The following CCSER1 variants were observed in gnomAD, a reference collection of about 807,000 sequenced individuals.
CCSER1 encodes serine-rich coiled-coil domain-containing protein 1.
A neutral mutation model predicts 82.0 loss-of-function variants in CCSER1; 41 were observed. That is an observed-to-expected ratio of 0.50 (90% CI 0.39 to 0.65). The LOEUF (loss-of-function observed/expected upper bound fraction) is 0.65. Among genes scored for constraint, CCSER1 ranks in the 30% least tolerant of loss-of-function variants. The probability of loss-of-function intolerance (pLI) is 0.00; values close to 1 mark genes in which losing one functional copy is unlikely to be tolerated. For synonymous variants in CCSER1, 414 were observed against 383.9 expected (o/e 1.08, Z -0.92); for missense variants, 1,119 against 1,064.2 (o/e 1.05, Z -0.72).
chr4:91,567,439 TA>T (rs60297209), intron 10 of CCSER1, among the ~76,000 whole-genome samples: 10,593 of 152,142 alleles, frequency 0.07, 405 homozygotes, highest in African/African-American at 0.099. Context: ...ATATGTTTAT[TA>T]AATTTTCTGC....
At chr4:91,300,199 C>G (rs1744559138) in intron 10 of CCSER1, among the ~76,000 whole-genome samples, 1 of 151,886 alleles carries the variant, frequency 6.6e-6, no homozygotes, top group Non-Finnish European at 1.5e-5. Context: ...TTTATATGAT[C>G]ACATATATGA....
At chr4:90,468,510 A>G (rs1369881016) in intron 5 of CCSER1, 156 bp downstream of exon 5, 3 of 591,746 alleles carry the variant, frequency 5.1e-6, no homozygotes, top group Admixed American at 3.6e-5. Context: ...ATCTTAATGA[A>G]TTAACTTCTG....
intron 4 of CCSER1, among the ~76,000 whole-genome samples, chr4:90,428,175 A>G (rs991472503): frequency 6.6e-6 from 1 of 151,922 alleles, no homozygotes; most frequent in Non-Finnish European, 1.5e-5. Context: ...ATTATGCAGA[A>G]TTTTAAAGCT....
chr4:90,942,350 T>C (rs914528681), intron 9 of CCSER1, among the ~76,000 whole-genome samples: 6 of 152,182 alleles, frequency 3.9e-5, no homozygotes, highest in Admixed American at 3.3e-4. Context: ...AGAAAAAATA[T>C]GTAAGCATAT....
intron 8 of CCSER1, among the ~76,000 whole-genome samples, chr4:90,839,323 T>G (rs1762268393): frequency 6.6e-6 from 1 of 152,106 alleles, no homozygotes; most frequent in African/African-American, 2.4e-5. Context: ...GAACATAATT[T>G]AATTAAGCAG....
intron 5 of CCSER1, among the ~76,000 whole-genome samples, chr4:90,570,482 C>T (rs1779973106): frequency 1.3e-5 from 2 of 152,170 alleles, no homozygotes. Context: ...CACCAGACCA[C>T]CTGCAGACAT....
chr4:90,905,128 A>G (rs78220507), intron 8 of CCSER1, among the ~76,000 whole-genome samples: 8,270 of 152,164 alleles, frequency 0.054, 298 homozygotes, highest in Non-Finnish European at 0.075. Context: ...CCCTTTTGCA[A>G]AAAGCATTTC....
intron 5 of CCSER1, among the ~76,000 whole-genome samples, chr4:90,568,488 CTT>C (rs1779678724): frequency 6.6e-6 from 1 of 152,124 alleles, no homozygotes; most frequent in Non-Finnish European, 1.5e-5. Context: ...TTTCTACTCT[CTT>C]TTGGTTTCCA....
intron 1 of CCSER1, among the ~76,000 whole-genome samples, chr4:90,295,765 A>G (rs1731771177): frequency 6.6e-6 from 1 of 152,140 alleles, no homozygotes; most frequent in South Asian, 2.1e-4. Context: ...GAGCTTTCCC[A>G]TGGGATCAGT....
At chr4:90,143,491 TACACACACACAC>T (rs56859054) in intron 1 of CCSER1, among the ~76,000 whole-genome samples, 1 of 141,320 alleles carries the variant, frequency 7.1e-6, no homozygotes, top group South Asian at 2.3e-4. Flanking sequence ...AGTACACACA[TACACACACACAC>T]ACACACACAC....
intron 10 of CCSER1, among the ~76,000 whole-genome samples, chr4:91,475,301 T>A (rs1757528154): frequency 6.6e-6 from 1 of 151,910 alleles, no homozygotes; most frequent in South Asian, 2.1e-4. Context: ...GTAAAATAGA[T>A]ATAGGGATAG....
intron 1 of CCSER1, among the ~76,000 whole-genome samples, chr4:90,288,896 A>G (rs2153464562): frequency 6.6e-6 from 1 of 151,914 alleles, no homozygotes; most frequent in Middle Eastern, 3.4e-3. Flanking sequence ...GTTTCTAAAA[A>G]CCTCTAGTGT....
intron 3 of CCSER1, among the ~76,000 whole-genome samples, chr4:90,338,462 C>G (rs1000237204): frequency 6.6e-6 from 1 of 152,092 alleles, no homozygotes; most frequent in African/African-American, 2.4e-5. Context: ...GCAGCTTACA[C>G]AGGAAAAAGA....
intron 10 of CCSER1, among the ~76,000 whole-genome samples, chr4:91,270,742 T>C (rs1427226755): frequency 1.3e-5 from 2 of 152,202 alleles, no homozygotes; most frequent in Non-Finnish European, 2.9e-5. Context: ...CATGGAAATT[T>C]ACTTTGCTAC....
intron 4 of CCSER1, among the ~76,000 whole-genome samples, chr4:90,412,240 T>G (rs1197643439): frequency 7.0e-6 from 1 of 143,526 alleles, no homozygotes; most frequent in African/African-American, 2.6e-5. Context: ...CCGCATGTTC[T>G]CACTCATAGG....
In CCSER1 at chr4:90,815,828, C is replaced by A. The variant is rs572583697; in HGVS notation, c.2077C>A (p.Gln693Lys). The A allele has an allele frequency of 6.4e-7, 1 of 1,550,826 alleles. No individual in the cohort carries two copies. The highest frequency in any genetic ancestry group is 1.4e-5 in the African/African-American group (1 of 73,132). ...QLKEKDELISQLQEELGKVRH... is the reference protein window; with the variant it reads ...QLKEKDELISKLQEELGKVRH... ...GAAAGAGAAGGATGAACTCATTTCC[C>A]AACTTCAGGAAGAGCTGGTAAGTGA... The change falls in exon 8 of 11, where the codon CAA becomes AAA. Residue 693 changes from glutamine (Q) to lysine (K), a missense_variant. Transcript: ENST00000509176.
intron 10 of CCSER1, among the ~76,000 whole-genome samples, chr4:91,438,815 C>T (rs572273936): frequency 1.5e-3 from 224 of 152,128 alleles, no homozygotes; most frequent in Non-Finnish European, 2.3e-3. Context: ...CACCAAGGCT[C>T]GAGAACTACG....
At chr4:91,412,074 G>A (rs2149373173) in intron 10 of CCSER1, among the ~76,000 whole-genome samples, 1 of 152,202 alleles carries the variant, frequency 6.6e-6, no homozygotes, top group East Asian at 1.9e-4. Flanking sequence ...TGACTTTGTA[G>A]GGGTATTGGG....
chr4:91,266,286 C>T (rs1376135288), intron 10 of CCSER1, among the ~76,000 whole-genome samples: 2 of 151,694 alleles, frequency 1.3e-5, no homozygotes, highest in Non-Finnish European at 2.9e-5. Context: ...GAGTCTCACT[C>T]TGTTGGCCCA....
Sources: gnomAD v4.1 joint callset for allele counts (sites outside exome capture counted in the v4.1 genomes callset) on GRCh38, gnomAD v4.1.1 for gene constraint, MANE v1.5 for transcripts, NCBI Gene and HGNC (gene_info 2026-07-23, HGNC 2026-07-21) for gene names.